TMPRSS9: variants seen among roughly 807,000 people sequenced by gnomAD.
TMPRSS9 encodes the protein transmembrane serine protease 9.
TMPRSS9 carries 113 observed loss-of-function variants against 111.4 expected under a neutral mutation model. That is an observed-to-expected ratio of 1.01 (90% CI 0.87 to 1.19). The LOEUF (loss-of-function observed/expected upper bound fraction) is 1.19. Ranked by LOEUF, TMPRSS9 falls within the 50% of genes most tolerant of loss-of-function variation. The probability of loss-of-function intolerance (pLI) is 0.00; values close to 1 mark genes in which losing one functional copy is unlikely to be tolerated. For missense variants in TMPRSS9, 1,803 were observed against 1,513.1 expected (o/e 1.19, Z -3.18); for synonymous variants, 805 against 659.1 (o/e 1.22, Z -3.39).
intron 1 of TMPRSS9, among the ~76,000 whole-genome samples, chr19:2,392,798 G>A (rs1326591436): frequency 6.6e-6 from 1 of 152,106 alleles, no homozygotes; most frequent in South Asian, 2.1e-4. Context: ...CTAATCTAGT[G>A]GGGACTTGGA....
At chr19:2,374,819 T>C (rs772098651) in intron 1 of TMPRSS9, among the ~76,000 whole-genome samples, 1 of 152,114 alleles carries the variant, frequency 6.6e-6, no homozygotes, top group Non-Finnish European at 1.5e-5. Context: ...GTTGTGTTGA[T>C]TGTATTGTGT....
intron 1 of TMPRSS9, among the ~76,000 whole-genome samples, chr19:2,369,260 A>G (rs1353007159): frequency 6.6e-6 from 1 of 151,968 alleles, no homozygotes; most frequent in Non-Finnish European, 1.5e-5. Flanking sequence ...CAGGTTTTAA[A>G]AAAAATTTTT....
intron 17 of TMPRSS9, 138 bp downstream of exon 18, chr19:2,425,631 T>C (rs1971603868): frequency 5.8e-6 from 8 of 1,370,456 alleles, no homozygotes; most frequent in African/African-American, 1.5e-5. Flanking sequence ...GGAGCCTTTT[T>C]GGCTCTGGAG....
chr19:2,425,400 C>T, exon 17 of TMPRSS9: 3 of 1,565,430 alleles, frequency 1.9e-6, no homozygotes, highest in Non-Finnish European at 2.6e-6. Context: ...TGCGCCTCCT[C>T]AGCGAGCAGA....
upstream of TMPRSS9, among the ~76,000 whole-genome samples, chr19:2,386,589 A>G (rs1037771425): frequency 6.6e-6 from 1 of 152,138 alleles, no homozygotes; most frequent in African/African-American, 2.4e-5. Flanking sequence ...TAGTGTCCAT[A>G]AAGTGTGACG....
At chr19:2,416,753 T>C in exon 12 of TMPRSS9, 1 of 1,612,832 alleles carries the variant, frequency 6.2e-7, no homozygotes, top group Non-Finnish European at 8.5e-7. Context: ...ATCCAGAAGT[T>C]CCCTGTGGGC....
At chr19:2,402,577 A>T (rs895762920) in intron 5 of TMPRSS9, among the ~76,000 whole-genome samples, 9 of 152,158 alleles carry the variant, frequency 5.9e-5, no homozygotes, top group South Asian at 2.1e-4. Context: ...CCATCTCACT[A>T]AAAATACAAA....
intron 11 of TMPRSS9, 79 bp from the exon 13 acceptor site, chr19:2,416,459 T>A (rs1332552060): frequency 1.5e-5 from 23 of 1,518,898 alleles, no homozygotes; most frequent in Non-Finnish European, 1.1e-5. Flanking sequence ...TTCCTGGGGG[T>A]GTGCATCAGC....
At chr19:2,394,599 C>CTTTGTT in intron 1 of TMPRSS9, among the ~76,000 whole-genome samples, 1 of 151,780 alleles carries the variant, frequency 6.6e-6, no homozygotes, top group African/African-American at 2.4e-5. Context: ...GCTCGTGTTT[C>CTTTGTT]TTTAGTTTCT....
At chr19:2,408,990 A>AAATAATAAAATAAT (rs1971034327) in intron 8 of TMPRSS9, among the ~76,000 whole-genome samples, 1 of 125,008 alleles carries the variant, frequency 8.0e-6, no homozygotes, top group Non-Finnish European at 1.6e-5. Context: ...CTCCATCTCA[A>AAATAATAAAATAAT]AATAATAATA....
intron 7 of TMPRSS9, among the ~76,000 whole-genome samples, chr19:2,407,557 A>G (rs1970992261): frequency 6.8e-6 from 1 of 147,488 alleles, no homozygotes; most frequent in Non-Finnish European, 1.5e-5. Context: ...AAATGTTGAT[A>G]CTTCATGCAT....
intron 1 of TMPRSS9, among the ~76,000 whole-genome samples, chr19:2,393,280 G>T (rs1568176545): frequency 6.6e-6 from 1 of 152,268 alleles, no homozygotes; most frequent in East Asian, 1.9e-4. Context: ...GTGAAGGTCT[G>T]CAGTTTCACT....
chr19:2,403,750 T>G (rs944225146), intron 6 of TMPRSS9, among the ~76,000 whole-genome samples: 4 of 151,532 alleles, frequency 2.6e-5, no homozygotes, highest in African/African-American at 9.7e-5. Context: ...TCCCAGCACT[T>G]TGGGAGGCTG....
intron 1 of TMPRSS9, among the ~76,000 whole-genome samples, chr19:2,394,251 C>T (rs984151007): frequency 1.3e-5 from 1 of 76,832 alleles, no homozygotes; most frequent in East Asian, 4.3e-4. Context: ...TGATAGTGGG[C>T]GCCTGTGGTC....
chr19:2,410,503 C>T (rs1971073438), intron 9 of TMPRSS9, 109 bp downstream of exon 10: 3 of 1,405,000 alleles, frequency 2.1e-6, no homozygotes, highest in African/African-American at 1.4e-5. Context: ...GCCCCCAACG[C>T]CCCAGACCCC....
At chr19:2,416,229 C>A (rs551654535) in intron 11 of TMPRSS9, 3 of 463,170 alleles carry the variant, frequency 6.5e-6, no homozygotes, top group Admixed American at 7.5e-5. Flanking sequence ...CAGAGCGAGA[C>A]CCTGTCTCAA....
In TMPRSS9 at chr19:2,380,110, C is replaced by T. The variant is rs1260200892; in HGVS notation, c.-25-9651C>T. Among the ~76,000 whole-genome samples the T allele has an allele frequency of 2.0e-5, 3 of 152,044 alleles. No homozygotes were observed. In the East Asian group the frequency reaches 5.8e-4, roughly 29 times the overall value. ...GGGGCCAGTGGCTGCCATTTTGGAC[C>T]TTGCTGGTGTTGTATGACTGTTTAT... On this transcript the variant is annotated intron_variant, in intron 1 of 17. Coordinates refer to the TMPRSS9 transcript ENST00000649857.
At chr19:2,415,789 G>A in exon 11 of TMPRSS9, 1 of 1,607,924 alleles carries the variant, frequency 6.2e-7, no homozygotes, top group Non-Finnish European at 8.5e-7. Context: ...CTTCTGCGGA[G>A]CAACTGTGGT....
chr19:2,382,455 G>A (rs925568804), intron 1 of TMPRSS9, among the ~76,000 whole-genome samples: 4 of 152,094 alleles, frequency 2.6e-5, no homozygotes, highest in East Asian at 1.9e-4. Flanking sequence ...AGTAGGAGTC[G>A]GAGAATGTCC....
Sources: allele counts gnomAD v4.1 joint callset (sites outside exome capture counted in the v4.1 genomes callset), GRCh38; gene constraint gnomAD v4.1.1; transcripts MANE v1.5; gene names NCBI Gene and HGNC (gene_info 2026-07-23, HGNC 2026-07-21).